Variants in BTBD9 observed in about 807,000 individuals in gnomAD.
The protein encoded by BTBD9 is BTB domain containing 9, also known as BTB/POZ domain-containing protein 9.
Under a neutral mutation model 64.3 loss-of-function variants are expected in BTBD9, and 49 were observed. The observed-to-expected ratio is 0.76, with a 90% CI of 0.61 to 0.97. The LOEUF is 0.97. BTBD9 is among the 50% of genes least tolerant of loss of function. BTBD9 has a pLI of 0.00. For missense variants in BTBD9, 598 were observed against 762.1 expected (o/e 0.78, Z 2.53); for synonymous variants, 260 against 274.7 (o/e 0.95, Z 0.53).
At chr6:38,637,259 T>C (rs138434718) in intron 1 of BTBD9, among the ~76,000 whole-genome samples, 130 of 152,352 alleles carry the variant, frequency 8.5e-4, no homozygotes, top group African/African-American at 3.0e-3. Flanking sequence ...TTAACTTCTT[T>C]GTCTTCCCAG....
chr6:38,290,437 T>A (rs1180781395), intron 7 of BTBD9, among the ~76,000 whole-genome samples: 1 of 152,058 alleles, frequency 6.6e-6, no homozygotes, highest in Non-Finnish European at 1.5e-5. Context: ...TGGTATAAGA[T>A]GTACAGTAAA....
chr6:38,592,573 T>A lies in BTBD9; in HGVS notation c.814+3A>T, dbSNP rs754113239. The A allele has an allele frequency of 8.1e-6, 13 of 1,613,730 alleles. No individual in the cohort carries two copies. The highest frequency in any genetic ancestry group is 1.3e-5 in the African/African-American group (1 of 74,906). On this transcript the variant is annotated splice_donor_region_variant and intron_variant, in intron 4 of 10. Coordinates refer to ENST00000481247, the MANE Select transcript of BTBD9 (RefSeq NM_001099272.2). ...GTTGAGTTTAGGATAGACAGGTACT[T>A]ACTGAGCATGCCTCTATAATTGAGG... is the stretch of plus-strand genomic sequence containing the variant.
chr6:38,497,359 C>T (rs1485667435), intron 6 of BTBD9, among the ~76,000 whole-genome samples: 2 of 152,114 alleles, frequency 1.3e-5, no homozygotes, highest in Non-Finnish European at 2.9e-5. Flanking sequence ...TTTATATTCT[C>T]TAATGTAGGT....
intron 6 of BTBD9, among the ~76,000 whole-genome samples, chr6:38,514,029 G>A (rs1228303072): frequency 6.6e-6 from 1 of 152,212 alleles, no homozygotes; most frequent in African/African-American, 2.4e-5. Context: ...TGACAGTGAT[G>A]AGAGAAGCAG....
chr6:38,185,769 T>G (rs1218585879), intron 10 of BTBD9, among the ~76,000 whole-genome samples: 1 of 152,228 alleles, frequency 6.6e-6, no homozygotes, highest in Non-Finnish European at 1.5e-5. Flanking sequence ...GCATGAATGT[T>G]GTAGTAAAGC....
At chr6:38,319,648 G>A (rs751002710) in intron 7 of BTBD9, among the ~76,000 whole-genome samples, 7 of 151,828 alleles carry the variant, frequency 4.6e-5, no homozygotes, top group Non-Finnish European at 1.0e-4. Flanking sequence ...TACTGTGGAT[G>A]AGCTGGTATT....
intron 6 of BTBD9, among the ~76,000 whole-genome samples, chr6:38,484,504 C>T (rs1195425727): frequency 5.3e-5 from 8 of 152,134 alleles, no homozygotes; most frequent in Admixed American, 5.2e-4. Flanking sequence ...CTGAGTGCTT[C>T]CTTTGTACCA....
intron 9 of BTBD9, among the ~76,000 whole-genome samples, chr6:38,236,908 C>A (rs1763797592): frequency 6.6e-6 from 1 of 152,162 alleles, no homozygotes; most frequent in African/African-American, 2.4e-5. Flanking sequence ...ATCTGGGAAA[C>A]AAAGAACTGT....
At chr6:38,463,109 A>G (rs1770179312) in intron 6 of BTBD9, among the ~76,000 whole-genome samples, 5 of 152,184 alleles carry the variant, frequency 3.3e-5, no homozygotes, top group Admixed American at 2.6e-4. Flanking sequence ...CACATCTTTT[A>G]TCAGATTTTT....
In BTBD9 at chr6:38,172,560, G is replaced by A. The variant is rs568758856; in HGVS notation, c.*2425C>T. 5 of 152,436 alleles carry A rather than the reference G, an allele frequency of 3.3e-5. No individual in the cohort carries two copies. Among genetic ancestry groups the A allele is most frequent in the African/African-American group, 1.2e-4 (5 of 41,584 alleles). The allele number at this position is 152,436 out of a possible 1,614,324, so 9.4% of individuals were successfully genotyped here. On this transcript the variant is annotated 3_prime_UTR_variant, in exon 11 of 11. Transcript: ENST00000481247. Reference sequence around the variant, plus strand: ...AAAGGAGGTGAACCCGTGTCCTTTTGGAGTCCAGGGCAGGCTCCCAGCAAA... The same window carrying A: ...AAAGGAGGTGAACCCGTGTCCTTTTAGAGTCCAGGGCAGGCTCCCAGCAAA...
chr6:38,411,982 T>TATATATAAA (rs1767449241), intron 6 of BTBD9, among the ~76,000 whole-genome samples: 1 of 152,000 alleles, frequency 6.6e-6, no homozygotes, highest in Non-Finnish European at 1.5e-5. Context: ...CACACATACA[T>TATATATAAA]ATATATGTAC....
chr6:38,221,546 C>A (rs542319876), intron 9 of BTBD9, among the ~76,000 whole-genome samples: 1 of 152,162 alleles, frequency 6.6e-6, no homozygotes, highest in Non-Finnish European at 1.5e-5. Context: ...GTCAATGAAC[C>A]ATTGCATTGA....
chr6:38,454,557 G>A (rs917450741), intron 6 of BTBD9, among the ~76,000 whole-genome samples: 1 of 150,324 alleles, frequency 6.7e-6, no homozygotes, highest in South Asian at 2.1e-4. Flanking sequence ...TAGCACTTAG[G>A]AGGCCGACAC....
chr6:38,197,068 T>C (rs116048542), intron 9 of BTBD9, among the ~76,000 whole-genome samples: 2,756 of 152,326 alleles, frequency 0.018, 51 homozygotes, highest in Middle Eastern at 0.061. Context: ...TGGAACATGG[T>C]AGGCGGTCTG....
chr6:38,554,347 CCT>C (rs1774931142), intron 6 of BTBD9, among the ~76,000 whole-genome samples: 3 of 152,230 alleles, frequency 2.0e-5, no homozygotes, highest in Admixed American at 6.5e-5. Flanking sequence ...TAATTCAACC[CCT>C]CTCAGAGGAA....
At chr6:38,308,264 T>A (rs1487899390) in intron 7 of BTBD9, among the ~76,000 whole-genome samples, 1 of 152,210 alleles carries the variant, frequency 6.6e-6, no homozygotes, top group African/African-American at 2.4e-5. Flanking sequence ...AGAAAAAAGA[T>A]AAACCAACCA....
chr6:38,360,777 G>A (rs925639889), intron 6 of BTBD9, among the ~76,000 whole-genome samples: 1 of 152,104 alleles, frequency 6.6e-6, no homozygotes, highest in Admixed American at 6.5e-5. Context: ...AAGTAAAGGC[G>A]GAACACAGGG....
intron 6 of BTBD9, among the ~76,000 whole-genome samples, chr6:38,438,169 A>G (rs1294685920): frequency 1.4e-5 from 2 of 146,120 alleles, no homozygotes; most frequent in Non-Finnish European, 1.5e-5. Context: ...AAACAGGAAA[A>G]AAAAAGGAAG....
chr6:38,587,693 G>T, intron 4 of BTBD9: 1 of 632,712 alleles, frequency 1.6e-6, no homozygotes, highest in Non-Finnish European at 3.0e-6. Context: ...TTATTGGATA[G>T]CTTGGAACCA....
Sources: gnomAD v4.1 joint callset for allele counts (sites outside exome capture counted in the v4.1 genomes callset) on GRCh38, gnomAD v4.1.1 for gene constraint, MANE v1.5 for transcripts, NCBI Gene and HGNC (gene_info 2026-07-23, HGNC 2026-07-21) for gene names.